Variants in TFAP2E observed in about 807,000 individuals in gnomAD.
TFAP2E encodes the protein transcription factor AP-2-epsilon.
In TFAP2E, 30 loss-of-function variants were observed where a neutral mutation model predicts 37.9. The ratio of observed to expected loss-of-function variants is 0.79; its 90% CI spans 0.59 to 1.07. TFAP2E has a LOEUF of 1.07. Ranked by LOEUF, TFAP2E falls within the 50% of genes least tolerant of loss-of-function variation. The probability of loss-of-function intolerance (pLI) is 0.00; values close to 1 mark genes in which losing one functional copy is unlikely to be tolerated. For synonymous variants in TFAP2E, 318 were observed against 295.8 expected, an observed-to-expected ratio of 1.08 and a Z score of -0.77; for missense variants, 567 against 637.9, an observed-to-expected ratio of 0.89 and a Z score of 1.20.
chr1:35,588,613 C>G lies in TFAP2E; in HGVS notation c.785+61C>G. 1 of 1,480,634 alleles carries G rather than the reference C, an allele frequency of 6.8e-7. No individual in the cohort carries two copies. Among genetic ancestry groups the G allele is most frequent in the African/African-American group, 1.4e-5 (1 of 71,868 alleles). The allele number at this position is 1,480,634 out of a possible 1,614,324, so 91.7% of individuals were successfully genotyped here. ...GATCCCTGGCCTCTTCAGGCCTTCTCAAGGCATCAGAGAGGAGGCCAGTCT... is the reference window on the plus strand; with the variant it reads ...GATCCCTGGCCTCTTCAGGCCTTCTGAAGGCATCAGAGAGGAGGCCAGTCT... On this transcript the variant is annotated intron_variant, in intron 4 of 6. Transcript: ENST00000373235. This position sits in a 1 kb window ranked among gnomAD's most constrained non-coding sequence, Gnocchi z 5.1.
intron 3 of TFAP2E, among the ~76,000 whole-genome samples, chr1:35,580,500 C>T (rs1183697465): frequency 1.3e-5 from 2 of 152,116 alleles, no homozygotes; most frequent in African/African-American, 4.8e-5. Context: ...GTGGCTCACA[C>T]CTGTAATCCC....
chr1:35,573,572 C>G lies in TFAP2E; in HGVS notation c.-6C>G, dbSNP rs200464156. ...GCCACGCCTCGCGCCCGGCACTCAC[C>G]GCCCCATGCTGGTGCACACCTACTC... is the stretch of plus-strand genomic sequence containing the variant. On this transcript the variant is annotated 5_prime_UTR_variant, in exon 1 of 7. Coordinates refer to ENST00000373235, the MANE Select transcript of TFAP2E (RefSeq NM_178548.4). The surrounding 1 kb of genome is among the most constrained non-coding windows in gnomAD (Gnocchi z 5.9). 2.6e-6 allele frequency: 4 copies of G among 1,528,478 alleles called. No individual in the cohort carries two copies. In the East Asian group the frequency reaches 7.9e-5, roughly 30 times the overall value. 94.7% of individuals were successfully genotyped at this position (1,528,478 alleles called of 1,614,324 possible). A position where few individuals can be genotyped will look rare whatever the true frequency, so the allele number is the denominator to read the frequency against.
In TFAP2E at chr1:35,573,500, G is replaced by A. The variant is rs938091913; in HGVS notation, c.-78G>A. ...ACCTCCGCGGGCTGTGCCGGCTCCC[G>A]GCGCCTCTGCCCGCAGCGCTCGCCG... On this transcript the variant is annotated 5_prime_UTR_variant, in exon 1 of 7. Coordinates refer to ENST00000373235, the MANE Select transcript of TFAP2E (RefSeq NM_178548.4). This position sits in a 1 kb window ranked among gnomAD's most constrained non-coding sequence, Gnocchi z 5.9. 4 of 1,403,398 alleles carry A rather than the reference G, an allele frequency of 2.9e-6. No homozygotes were observed. Among genetic ancestry groups the A allele is most frequent in the African/African-American group, 3.1e-5 (2 of 65,354 alleles). 86.9% of individuals were successfully genotyped at this position (1,403,398 alleles called of 1,614,324 possible). A position where few individuals can be genotyped will look rare whatever the true frequency, so the allele number is the denominator to read the frequency against.
chr1:35,588,714 G>A lies in TFAP2E; in HGVS notation c.785+162G>A, dbSNP rs1293406838. ...CTGGATTGTGCATGTTGTGGGGGCC[G>A]GCCCAGGTCCCTGGTGGCTGCCACA... On this transcript the variant is annotated intron_variant, in intron 4 of 6. Transcript: ENST00000373235. The surrounding 1 kb of genome is among the most constrained non-coding windows in gnomAD (Gnocchi z 5.1). 6.6e-6 allele frequency among the ~76,000 whole-genome samples: 1 copy of A among 152,178 alleles called. No homozygotes were observed. Among genetic ancestry groups the A allele is most frequent in the South Asian group, 2.1e-4 (1 of 4,826 alleles).
At chr1:35,586,248 TCA>T (rs1420908623) in intron 3 of TFAP2E, among the ~76,000 whole-genome samples, 3 of 152,194 alleles carry the variant, frequency 2.0e-5, no homozygotes, top group African/African-American at 7.2e-5. Flanking sequence ...GAGTCAGTGC[TCA>T]GAGTTGAAGG....
In TFAP2E at chr1:35,589,994, C is replaced by T. The variant is rs1347171165; in HGVS notation, c.850C>T (p.Pro284Ser). The T allele has an allele frequency of 4.3e-6, 7 of 1,614,110 alleles. No homozygotes were observed. The highest frequency in any genetic ancestry group is 5.9e-6 in the Non-Finnish European group (7 of 1,179,996). ...ERLEKIGLNL[P>S]AGRRKAANVT... ...GTTAGAGAAGATTGGGCTCAACCTG[C>T]CAGCTGGCCGTCGCAAGGCCGCCAA... The change falls in exon 5 of 7, where the codon CCA (proline) becomes TCA (serine). Residue 284 changes from proline (P) to serine (S), a missense_variant. By Grantham distance (74) the Pro-to-Ser change is moderately conservative. This residue lies in a region of TFAP2E where 252 missense variants were observed against 302.6 expected (regional missense o/e 0.83). Transcript: ENST00000373235.
At chr1:35,586,058 A>C (rs1030812332) in intron 3 of TFAP2E, among the ~76,000 whole-genome samples, 14 of 152,184 alleles carry the variant, frequency 9.2e-5, no homozygotes, top group African/African-American at 3.4e-4. Flanking sequence ...CAAAAAAAAA[A>C]ATGGTGGACA....
chr1:35,574,403 C>G lies in TFAP2E; in HGVS notation c.504C>G (p.Asp168Glu), dbSNP rs1195907559. The change falls in exon 2 of 7, where the codon GAC becomes GAG. Residue 168 changes from aspartate to glutamate, a missense_variant. Transcript: ENST00000373235. Reference sequence around the variant, plus strand: ...TGGCGGCGGCCCCCGGTCTGGAGGACCTGCAGGTGAGACCCGAGGGATCCG... The same window carrying G: ...TGGCGGCGGCCCCCGGTCTGGAGGAGCTGCAGGTGAGACCCGAGGGATCCG... ...PGLAAAPGLE[D>E]LQAMDEPGMS... 2 of 1,428,744 alleles carry G rather than the reference C, an allele frequency of 1.4e-6. No individual in the cohort carries two copies. Among genetic ancestry groups the G allele is most frequent in the Admixed American group, 6.3e-5 (2 of 31,972 alleles). The allele number at this position is 1,428,744 out of a possible 1,614,324, so 88.5% of individuals were successfully genotyped here.
chr1:35,577,473 G>A lies in TFAP2E; in HGVS notation c.562+2473G>A, dbSNP rs1439499669. 1 of 456,516 alleles carries A rather than the reference G, an allele frequency of 2.2e-6. No homozygotes were observed. The highest frequency in any genetic ancestry group is 4.4e-6 in the Non-Finnish European group (1 of 226,902). 28.3% of individuals were successfully genotyped at this position (456,516 alleles called of 1,614,324 possible). A position where few individuals can be genotyped will look rare whatever the true frequency, so the allele number is the denominator to read the frequency against. On this transcript the variant is annotated intron_variant, in intron 3 of 6. Transcript: ENST00000373235. This position sits in a 1 kb window ranked among gnomAD's most constrained non-coding sequence, Gnocchi z 6.3. Reference sequence around the variant, plus strand: ...TCGGCCTCCGCCGAGTGCGGTACTGGAGCCTGCCCCGCCAGGGCCCTGGAA... The same window carrying A: ...TCGGCCTCCGCCGAGTGCGGTACTGAAGCCTGCCCCGCCAGGGCCCTGGAA...
In TFAP2E at chr1:35,573,451, G is replaced by T. The variant is rs1649067404; in HGVS notation, c.-127G>T. 2.3e-6 allele frequency: 3 copies of T among 1,282,344 alleles called. No homozygotes were observed. The Admixed American group carries it at 1.2e-4, about 52-fold the overall frequency. The allele number at this position is 1,282,344 out of a possible 1,614,324, so 79.4% of individuals were successfully genotyped here. On this transcript the variant is annotated 5_prime_UTR_variant, in exon 1 of 7. Transcript: ENST00000373235. The surrounding 1 kb of genome is among the most constrained non-coding windows in gnomAD (Gnocchi z 5.9). ...CCACGCCCACTAGGATCCCGGCTGG[G>T]TCGCACCCAGCTACCGCACCGTGAC...
intron 3 of TFAP2E, 29 bp downstream of exon 3, chr1:35,575,029 C>T (rs750374470): frequency 2.5e-6 from 4 of 1,613,438 alleles, no homozygotes; most frequent in East Asian, 2.2e-5. Context: ...GGGCAGAGCC[C>T]GGCGAGATGG....
At position 35,590,187 on chromosome 1, in the gene TFAP2E, T is replaced by G; in HGVS notation, c.904+139T>G. On this transcript the variant is annotated intron_variant, in intron 5 of 6. Transcript: ENST00000373235. This position sits in a 1 kb window ranked among gnomAD's most constrained non-coding sequence, Gnocchi z 6.2. ...AGTGTTGCAGTATCTGTGTGCGTAT[T>G]CTCTGTCATGTATAAGGTGTGTTTG... The G allele has an allele frequency of 1.3e-5, 10 of 795,888 alleles. No homozygotes were observed. Among genetic ancestry groups the G allele is most frequent in the Admixed American group, 2.1e-5 (1 of 47,346 alleles). 49.3% of individuals were successfully genotyped at this position (795,888 alleles called of 1,614,324 possible).
intron 6 of TFAP2E, among the ~76,000 whole-genome samples, chr1:35,591,018 G>A (rs145088832): frequency 2.4e-3 from 364 of 152,140 alleles, no homozygotes; most frequent in African/African-American, 8.1e-3. Flanking sequence ...ACGTACGTGC[G>A]CGCCACTGTG....
chr1:35,588,606 G>C lies in TFAP2E; in HGVS notation c.785+54G>C, dbSNP rs1438954088. The C allele has an allele frequency of 6.7e-6, 10 of 1,496,870 alleles. No individual in the cohort carries two copies. Among genetic ancestry groups the C allele is most frequent in the Non-Finnish European group, 8.1e-6 (9 of 1,116,766 alleles). 92.7% of individuals were successfully genotyped at this position (1,496,870 alleles called of 1,614,324 possible). A position where few individuals can be genotyped will look rare whatever the true frequency, so the allele number is the denominator to read the frequency against. On this transcript the variant is annotated intron_variant, in intron 4 of 6. Transcript: ENST00000373235. The surrounding 1 kb of genome is among the most constrained non-coding windows in gnomAD (Gnocchi z 5.1). ...CTGATTGGATCCCTGGCCTCTTCAG[G>C]CCTTCTCAAGGCATCAGAGAGGAGG...
At chr1:35,574,880 C>T in intron 2 of TFAP2E, 69 bp from the exon 3 acceptor site, 1 of 1,606,750 alleles carries the variant, frequency 6.2e-7, no homozygotes, top group Admixed American at 1.7e-5. Flanking sequence ...CCCTGGGTGG[C>T]AGGGGCTTGG....
intron 6 of TFAP2E, among the ~76,000 whole-genome samples, chr1:35,591,013 C>T (rs1359083781): frequency 3.3e-5 from 5 of 151,514 alleles, no homozygotes; most frequent in African/African-American, 4.9e-5. Flanking sequence ...CACACACGTA[C>T]GTGCGCGCCA....
Position 35,574,996 on chromosome 1 carries a change from G to C in TFAP2E, c.558G>C (p.Lys186Asn). Residue 186 changes from lysine (K) to asparagine (N), a missense_variant, in exon 3 of 7, where the codon AAG (lysine) becomes AAC (asparagine). Lys to Asn is a moderately conservative substitution (Grantham distance 94, BLOSUM62 0). This residue lies in a region of TFAP2E where 312 missense variants were observed against 317.4 expected (regional missense o/e 0.98). Coordinates refer to ENST00000373235, the MANE Select transcript of TFAP2E (RefSeq NM_178548.4). ...GCCTCCTAGACCAGTCCGTGATCAA[G>C]AAAGGTAAGGAATGGTCTGTCAGGG... ...GMSLLDQSVIKKVPIPSKASS... is the reference protein window; with the variant it reads ...GMSLLDQSVINKVPIPSKASS... The C allele has an allele frequency of 1.2e-6, 2 of 1,613,986 alleles. No individual in the cohort carries two copies. Among genetic ancestry groups the C allele is most frequent in the Non-Finnish European group, 1.7e-6 (2 of 1,180,008 alleles).
In TFAP2E at chr1:35,589,980, T is replaced by C. The variant is rs747914001; in HGVS notation, c.836T>C (p.Ile279Thr). 9.3e-6 allele frequency: 15 copies of C among 1,614,096 alleles called. No homozygotes were observed. Among genetic ancestry groups the C allele is most frequent in the East Asian group, 6.7e-5 (3 of 44,880 alleles). ...TGTTTGCGGGAACGGTTAGAGAAGATTGGGCTCAACCTGCCAGCTGGCCGT... is the reference window on the plus strand; with the variant it reads ...TGTTTGCGGGAACGGTTAGAGAAGACTGGGCTCAACCTGCCAGCTGGCCGT... Reference protein sequence around the residue: ...GRCLRERLEKIGLNLPAGRRK... With the variant: ...GRCLRERLEKTGLNLPAGRRK... Residue 279 changes from isoleucine (I) to threonine (T), a missense_variant, in exon 5 of 7, where the codon ATT (isoleucine) becomes ACT (threonine). Ile to Thr is a moderately conservative substitution (Grantham distance 89, BLOSUM62 -1). Around this residue, in one of 3 missense-constraint regions of TFAP2E, gnomAD observed 252 missense variants for 302.6 expected, o/e 0.83. Coordinates refer to ENST00000373235, the MANE Select transcript of TFAP2E (RefSeq NM_178548.4).
At chr1:35,584,646 TC>T (rs1348925430) in intron 3 of TFAP2E, among the ~76,000 whole-genome samples, 2 of 152,144 alleles carry the variant, frequency 1.3e-5, no homozygotes, top group Non-Finnish European at 2.9e-5. Flanking sequence ...CAAGCAATCC[TC>T]CTACCTCAGC....
Sources: gnomAD v4.1 joint callset for allele counts (sites outside exome capture counted in the v4.1 genomes callset) on GRCh38, gnomAD v4.1.1 for gene constraint, gnomAD v4.1.1 regional missense constraint, Gnocchi (gnomAD v3.1) non-coding constraint, MANE v1.5 for transcripts, NCBI Gene and HGNC (gene_info 2026-07-23, HGNC 2026-07-21) for gene names.